The following MTOR variants were observed in gnomAD, a reference collection of about 807,000 sequenced individuals.
The protein encoded by MTOR is mechanistic target of rapamycin kinase, also known as serine/threonine-protein kinase mTOR.
Under a neutral mutation model 319.8 loss-of-function variants are expected in MTOR, and 70 were observed. The ratio of observed to expected loss-of-function variants is 0.22; its 90% CI spans 0.18 to 0.27. The LOEUF (loss-of-function observed/expected upper bound fraction) is 0.27. Ranked by LOEUF, MTOR falls within the 10% of genes least tolerant of loss-of-function variation. MTOR has a pLI of 1.00. For missense variants in MTOR, 1,890 were observed against 3,274.4 expected (o/e 0.58, Z 10.32); for synonymous variants, 1,183 against 1,211.4 (o/e 0.98, Z 0.49).
intron 24 of MTOR, 26 bp from the exon 25 acceptor site, chr1:11,209,484 A>C: frequency 6.2e-7 from 1 of 1,612,664 alleles, no homozygotes; most frequent in Non-Finnish European, 8.5e-7. Flanking sequence ...TATAGGAAAC[A>C]CCTATAACTC....
At position 11,247,702 on chromosome 1, in the gene MTOR, C is replaced by A; in HGVS notation, c.1148G>T (p.Ser383Ile). Reference protein sequence around the residue: ...VCQWVLKCRNSKNSLIQMTIL... With the variant: ...VCQWVLKCRNIKNSLIQMTIL... ...TGTCATTTGGATCAGCGAGTTCTTG[C>A]TATTCCTGCATTTCAGCACCCACTG... The change falls in exon 8 of 58, where the codon AGC becomes ATC. Residue 383 changes from serine to isoleucine, a missense_variant. Transcript: ENST00000361445. 6.2e-7 allele frequency: 1 copy of A among 1,614,148 alleles called. No individual in the cohort carries two copies.
intron 11 of MTOR, 50 bp from the exon 12 acceptor site, chr1:11,238,667 A>G (rs779392826): frequency 2.0e-6 from 3 of 1,487,204 alleles, no homozygotes; most frequent in Non-Finnish European, 2.7e-6. Context: ...TGCTGTAGAC[A>G]GGTAGGTCTG....
chr1:11,246,304 G>A (rs866608516), intron 8 of MTOR, among the ~76,000 whole-genome samples: 10 of 152,208 alleles, frequency 6.6e-5, no homozygotes, highest in Admixed American at 2.0e-4. Context: ...AGGGTAATGT[G>A]CCAGACTTTG....
chr1:11,194,580 G>A (rs1274347845), intron 28 of MTOR: 3 of 1,614,190 alleles, frequency 1.9e-6, no homozygotes, highest in African/African-American at 1.3e-5. Context: ...ACGCCCTCCA[G>A]TATCATAACA....
rs563980706 is a variant in MTOR at position 11,109,830 on chromosome 1, C to T, written c.7367-101G>A. 9.4e-4 allele frequency: 885 copies of T among 943,570 alleles called. 14 individuals carry two copies. The highest frequency in any genetic ancestry group is 6.3e-3 in the South Asian group (476 of 75,102). The allele number at this position is 943,570 out of a possible 1,614,324, so 58.4% of individuals were successfully genotyped here. A position where few individuals can be genotyped will look rare whatever the true frequency, so the allele number is the denominator to read the frequency against. On this transcript the variant is annotated intron_variant, in intron 54 of 57. Coordinates refer to ENST00000361445, the MANE Select transcript of MTOR (RefSeq NM_004958.4). This position sits in a 1 kb window ranked among gnomAD's most constrained non-coding sequence, Gnocchi z 4.0. ...ACGCACTCTATTCCTTTAACGCCTG[C>T]CCTACCTACCCTAAAGGGGAAAAGA...
intron 13 of MTOR, 21 bp from the exon 14 acceptor site, chr1:11,234,286 T>A: frequency 6.3e-7 from 1 of 1,596,306 alleles, no homozygotes. Flanking sequence ...GAAAGGCTCA[T>A]ATGTTCTCTA....
chr1:11,221,191 C>T (rs1361669411), intron 19 of MTOR, among the ~76,000 whole-genome samples: 2 of 151,878 alleles, frequency 1.3e-5, no homozygotes, highest in Admixed American at 6.6e-5. Context: ...GACGGGGTTT[C>T]GTCATGTTGG....
chr1:11,212,483 A>G lies in MTOR; in HGVS notation c.3399-9T>C, dbSNP rs1329823916. 2 of 1,610,814 alleles carry G rather than the reference A, an allele frequency of 1.2e-6. No individual in the cohort carries two copies. The highest frequency in any genetic ancestry group is 1.1e-5 in the South Asian group (1 of 90,526). ...CAGTCTCTAGCGCTGCCCTACAACA[A>G]TCACTAACATACAGTAACTGCTAAC... On this transcript the variant is annotated splice_polypyrimidine_tract_variant and intron_variant, in intron 22 of 57. Coordinates refer to ENST00000361445, the MANE Select transcript of MTOR (RefSeq NM_004958.4). This position sits in a 1 kb window ranked among gnomAD's most constrained non-coding sequence, Gnocchi z 4.1.
chr1:11,153,869 G>A (rs1018864463), intron 30 of MTOR, among the ~76,000 whole-genome samples: 1 of 151,752 alleles, frequency 6.6e-6, no homozygotes, highest in African/African-American at 2.4e-5. Context: ...GGGAGTTCAA[G>A]ACCAGCCTGG....
At chr1:11,161,997 G>A (rs139029206) in intron 29 of MTOR, among the ~76,000 whole-genome samples, 1 of 152,296 alleles carries the variant, frequency 6.6e-6, no homozygotes, top group African/African-American at 2.4e-5. Flanking sequence ...AGCTAAAGGA[G>A]GATGTTCAAA....
At chr1:11,167,962 C>A (rs974530823) in intron 28 of MTOR, among the ~76,000 whole-genome samples, 1 of 151,908 alleles carries the variant, frequency 6.6e-6, no homozygotes, top group South Asian at 2.1e-4. Flanking sequence ...CCCAGCTACT[C>A]AGGAGGCTGA....
At chr1:11,195,219 T>C (rs1645739648) in intron 28 of MTOR, 6 of 631,508 alleles carry the variant, frequency 9.5e-6, no homozygotes, top group Admixed American at 3.1e-5. Flanking sequence ...GGATGAACTA[T>C]TTAAACCCAC....
At chr1:11,206,856 T>C (rs1646153485) in intron 25 of MTOR, among the ~76,000 whole-genome samples, 1 of 152,220 alleles carries the variant, frequency 6.6e-6, no homozygotes, top group South Asian at 2.1e-4. Flanking sequence ...CAGATTATCA[T>C]TCAGACAGAC....
In MTOR at chr1:11,237,771, G is replaced by A. The variant is rs1256926695; in HGVS notation, c.2208+72C>T. ...CTCCCCCATCCTTGTCCTCAACTCC[G>A]CTTCCTCAAGCAGTTCTCACAGCGA... is the stretch of plus-strand genomic sequence containing the variant. On this transcript the variant is annotated intron_variant, in intron 13 of 57. Transcript: ENST00000361445. 27 of 1,535,526 alleles carry A rather than the reference G, an allele frequency of 1.8e-5. 1 individual carries two copies. Among genetic ancestry groups the A allele is most frequent in the Middle Eastern group, 3.4e-4 (2 of 5,894 alleles).
At chr1:11,138,490 C>A (rs936932212) in intron 36 of MTOR, among the ~76,000 whole-genome samples, 1 of 152,102 alleles carries the variant, frequency 6.6e-6, no homozygotes, top group Admixed American at 6.5e-5. Flanking sequence ...ATTTCTAGAC[C>A]CAGTCCCCAG....
chr1:11,172,525 A>G (rs1644848722), intron 28 of MTOR, among the ~76,000 whole-genome samples: 1 of 137,988 alleles, frequency 7.2e-6, no homozygotes, highest in Admixed American at 7.8e-5. Context: ...ACACCACTGC[A>G]TTCCAACCTG....
At chr1:11,147,377 T>C (rs1230961634) in intron 31 of MTOR, among the ~76,000 whole-genome samples, 1 of 152,224 alleles carries the variant, frequency 6.6e-6, no homozygotes, top group Admixed American at 6.5e-5. Flanking sequence ...CAGTGCTCTC[T>C]GTGTCATATT....
At position 11,128,513 on chromosome 1, in the gene MTOR, G is replaced by A. The variant is rs2100417554; in HGVS notation, c.5851C>T (p.Pro1951Ser). The change falls in exon 42 of 58, where the codon CCC becomes TCC. Residue 1951 changes from proline to serine, a missense_variant. By Grantham distance (74) the Pro-to-Ser change is moderately conservative (BLOSUM62 -1). Coordinates refer to ENST00000361445, the MANE Select transcript of MTOR (RefSeq NM_004958.4). The surrounding 1 kb of genome is among the most constrained non-coding windows in gnomAD (Gnocchi z 5.3). ...QLIARIDTPR[P>S]LVGRLIHQLL... is the part of the protein sequence containing the mutation. ...TGGTGAATGAGACGTCCCACCAAGG[G>A]TCTGGGCGTATCAATTCTTGCAATG... The A allele has an allele frequency of 6.2e-7, 1 of 1,614,210 alleles. No individual in the cohort carries two copies. The highest frequency in any genetic ancestry group is 8.5e-7 in the Non-Finnish European group (1 of 1,180,046).
chr1:11,108,391 T>C (rs1641681307), intron 56 of MTOR, 105 bp from the exon 57 acceptor site: 2 of 898,680 alleles, frequency 2.2e-6, no homozygotes, highest in South Asian at 2.9e-5. Context: ...TCGTCAGACA[T>C]GAAGATGAAG....
Sources: gnomAD v4.1 joint callset for allele counts (sites outside exome capture counted in the v4.1 genomes callset) on GRCh38, gnomAD v4.1.1 for gene constraint, Gnocchi (gnomAD v3.1) non-coding constraint, MANE v1.5 for transcripts, NCBI Gene and HGNC (gene_info 2026-07-23, HGNC 2026-07-21) for gene names.